The following PTPRM variants were observed in gnomAD, a reference collection of about 807,000 sequenced individuals.
The protein encoded by PTPRM is protein tyrosine phosphatase receptor type M, also known as receptor-type tyrosine-protein phosphatase mu.
PTPRM carries 47 observed loss-of-function variants against 186.7 expected under a neutral mutation model. That is an observed-to-expected ratio of 0.25 (90% CI 0.20 to 0.32). The LOEUF (loss-of-function observed/expected upper bound fraction) is 0.32, where lower values mean the gene tolerates loss of function less well. PTPRM is among the 10% of genes least tolerant of loss of function. The pLI is 1.00. For missense variants in PTPRM, 1,494 were observed against 1,865.0 expected, an observed-to-expected ratio of 0.80 and a Z score of 3.66; for synonymous variants, 668 against 674.9, an observed-to-expected ratio of 0.99 and a Z score of 0.16.
chr18:8,093,997 A>G (rs1421072606), intron 11 of PTPRM, among the ~76,000 whole-genome samples: 1 of 152,178 alleles, frequency 6.6e-6, no homozygotes, highest in Non-Finnish European at 1.5e-5. Flanking sequence ...CCTTATAATT[A>G]TGTTAGAATT....
Position 8,226,556 on chromosome 18 carries a change from G to C in PTPRM, c.2301-17502G>C, listed in dbSNP as rs1482998371. Among the ~76,000 whole-genome samples the C allele has an allele frequency of 2.0e-5, 3 of 152,314 alleles. No homozygotes were observed. In the South Asian group the frequency reaches 6.2e-4, roughly 32 times the overall value. On this transcript the variant is annotated intron_variant, in intron 14 of 32. Transcript: ENST00000580170. The stretch of plus-strand genomic sequence containing the variant: ...AATTAATAAGAAAATGTAGGCCCTT[G>C]TTGGGAAGAATTGTTGATAGATGGG...
intron 4 of PTPRM, among the ~76,000 whole-genome samples, chr18:7,922,684 T>A (rs2050935309): frequency 6.6e-6 from 1 of 152,210 alleles, no homozygotes; most frequent in African/African-American, 2.4e-5. Flanking sequence ...CTGTGCTGTA[T>A]ATTTATTTAT....
chr18:8,357,439 A>G (rs865891164), intron 23 of PTPRM, among the ~76,000 whole-genome samples: 1 of 152,308 alleles, frequency 6.6e-6, no homozygotes, highest in South Asian at 2.1e-4. Context: ...CCAATTTGTC[A>G]ACTGCCACAA....
At chr18:8,319,801 A>G (rs1402891514) in intron 22 of PTPRM, among the ~76,000 whole-genome samples, 5 of 152,146 alleles carry the variant, frequency 3.3e-5, no homozygotes, top group Non-Finnish European at 7.3e-5. Context: ...GAATGGAGAA[A>G]CATCATGAGC....
intron 2 of PTPRM, among the ~76,000 whole-genome samples, chr18:7,817,625 CTA>C (rs1487081681): frequency 1.9e-5 from 2 of 107,812 alleles, no homozygotes; most frequent in African/African-American, 5.6e-5. Context: ...TGCTCTTTTT[CTA>C]TCATATTATT....
intron 1 of PTPRM, among the ~76,000 whole-genome samples, chr18:7,739,371 A>C (rs1182029794): frequency 2.0e-5 from 3 of 152,238 alleles, no homozygotes; most frequent in African/African-American, 7.2e-5. Context: ...AAATTGCTCA[A>C]ATTTGCTTTC....
At chr18:7,797,317 T>C (rs1463114721) in intron 2 of PTPRM, among the ~76,000 whole-genome samples, 1 of 152,212 alleles carries the variant, frequency 6.6e-6, no homozygotes, top group African/African-American at 2.4e-5. Context: ...AGACATTTGC[T>C]GTTTGTCCTT....
chr18:8,174,028 T>A (rs2093445382), intron 14 of PTPRM, among the ~76,000 whole-genome samples: 2 of 149,544 alleles, frequency 1.3e-5, no homozygotes, highest in Admixed American at 6.7e-5. Context: ...ATCACGCCAC[T>A]GCACTCCAGT....
chr18:7,784,897 A>G (rs948917377), intron 2 of PTPRM, among the ~76,000 whole-genome samples: 2 of 152,156 alleles, frequency 1.3e-5, no homozygotes, highest in African/African-American at 4.8e-5. Flanking sequence ...GAGCCCAAGG[A>G]GGCTGCCACC....
At chr18:7,921,820 A>G (rs890151451) in intron 4 of PTPRM, among the ~76,000 whole-genome samples, 17 of 152,092 alleles carry the variant, frequency 1.1e-4, no homozygotes, top group African/African-American at 4.1e-4. Flanking sequence ...TAAAATGGCT[A>G]TTTTGAGTTT....
rs569881367 is a variant in PTPRM at position 7,590,920 on chromosome 18, G to C, written c.73+23029G>C. On this transcript the variant is annotated intron_variant, in intron 1 of 32. Transcript: ENST00000580170. ...TTTATGTATCCATCTTATGATGAGA[G>C]AAAGTTACTTAAAATAGCTATTATG... 1.3e-4 allele frequency among the ~76,000 whole-genome samples: 20 copies of C among 152,318 alleles called. No homozygotes were observed. The South Asian group carries it at 2.7e-3, about 21-fold the overall frequency.
chr18:7,926,283 C>T (rs112136384), intron 4 of PTPRM, among the ~76,000 whole-genome samples: 1,547 of 152,136 alleles, frequency 0.01, 25 homozygotes, highest in African/African-American at 0.035. Flanking sequence ...AGAAGACTGC[C>T]GAGCTATGAT....
chr18:7,891,314 G>T (rs1360357953), intron 3 of PTPRM, among the ~76,000 whole-genome samples: 1 of 150,896 alleles, frequency 6.6e-6, no homozygotes, highest in East Asian at 2.0e-4. Flanking sequence ...AAGGAAAAAA[G>T]AAAGCAGAAT....
At chr18:7,765,543 G>A (rs1161444500) in intron 1 of PTPRM, among the ~76,000 whole-genome samples, 1 of 151,416 alleles carries the variant, frequency 6.6e-6, no homozygotes, top group Non-Finnish European at 1.5e-5. Flanking sequence ...TGTTGGTATA[G>A]TTTTTTTTTA....
chr18:7,965,856 A>C (rs1164339553), intron 7 of PTPRM, among the ~76,000 whole-genome samples: 4 of 152,184 alleles, frequency 2.6e-5, no homozygotes, highest in Non-Finnish European at 5.9e-5. Flanking sequence ...GTCCTCATTA[A>C]CACGAAATGT....
chr18:8,102,103 G>A (rs756065261), intron 11 of PTPRM, among the ~76,000 whole-genome samples: 1 of 152,118 alleles, frequency 6.6e-6, no homozygotes, highest in African/African-American at 2.4e-5. Context: ...CTTAAAAAAT[G>A]TATCTACCTT....
At chr18:8,230,220 G>A (rs1482766583) in intron 14 of PTPRM, among the ~76,000 whole-genome samples, 1 of 152,106 alleles carries the variant, frequency 6.6e-6, no homozygotes, top group Admixed American at 6.5e-5. Context: ...AAAAAAAACT[G>A]TTTTTTTGTG....
intron 2 of PTPRM, among the ~76,000 whole-genome samples, chr18:7,784,415 A>C (rs1020124351): frequency 2.0e-4 from 31 of 152,008 alleles, no homozygotes; most frequent in Admixed American, 1.7e-3. Context: ...CTGTAACCTG[A>C]AACCAGTTTT....
intron 14 of PTPRM, among the ~76,000 whole-genome samples, chr18:8,212,726 G>A (rs2094024412): frequency 6.6e-6 from 1 of 152,190 alleles, no homozygotes; most frequent in South Asian, 2.1e-4. Context: ...AGGATCACTT[G>A]AGCCTAGGAT....
Sources: gnomAD v4.1 joint callset for allele counts (sites outside exome capture counted in the v4.1 genomes callset) on GRCh38, gnomAD v4.1.1 for gene constraint, MANE v1.5 for transcripts, NCBI Gene and HGNC (gene_info 2026-07-23, HGNC 2026-07-21) for gene names.